The following EYS variants were observed in gnomAD, a reference collection of about 807,000 sequenced individuals.
The protein encoded by EYS is protein eyes shut homolog.
Under a neutral mutation model 282.1 loss-of-function variants are expected in EYS, and 250 were observed. The ratio of observed to expected loss-of-function variants is 0.89; its 90% CI spans 0.80 to 0.98. The LOEUF (loss-of-function observed/expected upper bound fraction) is 0.98, where lower values mean the gene tolerates loss of function less well. Among genes scored for constraint, EYS ranks in the 50% least tolerant of loss-of-function variants. The pLI is 0.00. For missense variants in EYS, 4,016 were observed against 3,709.0 expected (o/e 1.08, Z -2.15); for synonymous variants, 1,355 against 1,282.9 (o/e 1.06, Z -1.20).
intron 31 of EYS, among the ~76,000 whole-genome samples, chr6:64,199,125 C>T (rs1329711976): frequency 6.6e-6 from 1 of 152,072 alleles, no homozygotes; most frequent in Non-Finnish European, 1.5e-5. Flanking sequence ...CCCATATAGC[C>T]AAGACAACCC....
chr6:65,382,498 T>TGTGTGTGTGC (rs1765656172), intron 8 of EYS, among the ~76,000 whole-genome samples: 1 of 150,706 alleles, frequency 6.6e-6, no homozygotes, highest in Admixed American at 6.6e-5. Flanking sequence ...TGTGTGTGTG[T>TGTGTGTGTGC]GTGTGCTCTT....
chr6:64,216,031 A>G (rs576633091), intron 31 of EYS, among the ~76,000 whole-genome samples: 3 of 152,362 alleles, frequency 2.0e-5, no homozygotes, highest in Admixed American at 1.3e-4. Flanking sequence ...TGCACTTAGT[A>G]TAATTAGATT....
chr6:65,179,822 A>G (rs1174696951), intron 12 of EYS, among the ~76,000 whole-genome samples: 1 of 152,044 alleles, frequency 6.6e-6, no homozygotes, highest in Non-Finnish European at 1.5e-5. Flanking sequence ...ATACTGGCAA[A>G]CCGAATCCAG....
intron 29 of EYS, among the ~76,000 whole-genome samples, chr6:64,342,477 T>C (rs1383097106): frequency 6.6e-6 from 1 of 151,710 alleles, no homozygotes; most frequent in Non-Finnish European, 1.5e-5. Context: ...GCTTCATAAG[T>C]GAAGGAGAAA....
At chr6:65,153,887 C>T (rs570271707) in intron 12 of EYS, among the ~76,000 whole-genome samples, 1 of 151,918 alleles carries the variant, frequency 6.6e-6, no homozygotes, top group South Asian at 2.1e-4. Flanking sequence ...CTTCTCTTCA[C>T]AAGTGACATT....
chr6:63,961,500 A>T (rs1041456539), intron 35 of EYS, among the ~76,000 whole-genome samples: 14 of 151,822 alleles, frequency 9.2e-5, no homozygotes, highest in African/African-American at 2.9e-4. Context: ...CCTATAAAAC[A>T]GCCCCACCCT....
intron 24 of EYS, among the ~76,000 whole-genome samples, chr6:64,614,859 T>C (rs1225708431): frequency 6.6e-6 from 1 of 152,134 alleles, no homozygotes; most frequent in Non-Finnish European, 1.5e-5. Flanking sequence ...TGAACGTATG[T>C]CACTCTCGTA....
intron 14 of EYS, among the ~76,000 whole-genome samples, chr6:64,980,093 A>G (rs1004696555): frequency 4.0e-5 from 6 of 151,592 alleles, no homozygotes; most frequent in Non-Finnish European, 7.4e-5. Context: ...AGAAAAGGAA[A>G]GAAATACAGT....
intron 24 of EYS, among the ~76,000 whole-genome samples, chr6:64,595,926 G>T (rs938534628): frequency 6.6e-6 from 1 of 152,154 alleles, no homozygotes; most frequent in Non-Finnish European, 1.5e-5. Context: ...GGTTTAATTG[G>T]CTCTCAGTTC....
chr6:63,928,452 G>A (rs548652333), intron 35 of EYS, among the ~76,000 whole-genome samples: 43 of 152,288 alleles, frequency 2.8e-4, no homozygotes, highest in African/African-American at 1.0e-3. Flanking sequence ...TAGGTGATCA[G>A]TGAATATTTG....
intron 36 of EYS, among the ~76,000 whole-genome samples, chr6:63,834,833 A>G (rs1031532009): frequency 4.6e-5 from 7 of 152,000 alleles, no homozygotes; most frequent in Non-Finnish European, 1.0e-4. Flanking sequence ...CTAGATTAAG[A>G]CAATGTGTCA....
In EYS at chr6:63,726,140, T is replaced by G. The variant is rs906732947; in HGVS notation, c.8233+379A>C. 6.6e-5 allele frequency among the ~76,000 whole-genome samples: 10 copies of G among 152,266 alleles called. No individual in the cohort carries two copies. In the South Asian group the frequency reaches 2.1e-3, roughly 32 times the overall value. ...TGACAGAACAACTTAAAGAGAATTT[T>G]TGGAGCTATAAATGTGGTTGAATCT... is the stretch of plus-strand genomic sequence containing the variant. On this transcript the variant is annotated intron_variant, in intron 42 of 42. Coordinates refer to ENST00000503581, the MANE Select transcript of EYS (RefSeq NM_001142800.2).
intron 12 of EYS, among the ~76,000 whole-genome samples, chr6:65,107,315 T>C (rs936680422): frequency 1.3e-5 from 2 of 150,872 alleles, no homozygotes; most frequent in Non-Finnish European, 3.0e-5. Flanking sequence ...TTTTTTAATG[T>C]AAACACCTGG....
At position 65,459,968 on chromosome 6, in the gene EYS, T is replaced by TTTATA. The variant is rs1477968765; in HGVS notation, c.862+30625_862+30626insTATAA. 7.4e-5 allele frequency among the ~76,000 whole-genome samples: 6 copies of TTTATA among 80,660 alleles called. No individual in the cohort carries two copies. In the South Asian group the frequency reaches 2.0e-3, roughly 26 times the overall value. 52.9% of individuals were successfully genotyped at this position (80,660 alleles called of 152,430 possible). A position where few individuals can be genotyped will look rare whatever the true frequency, so the allele number is the denominator to read the frequency against. ...GTGTGTGTGTGTGTGTTTGTGTATT[T>TTTATA]TATATATATATATATATATATATAT... On this transcript the variant is annotated intron_variant, in intron 5 of 42. Coordinates refer to ENST00000503581, the MANE Select transcript of EYS (RefSeq NM_001142800.2).
chr6:65,360,821 G>A (rs1001902434), intron 8 of EYS, among the ~76,000 whole-genome samples: 2 of 152,238 alleles, frequency 1.3e-5, no homozygotes, highest in African/African-American at 4.8e-5. Flanking sequence ...TATGTAGAAA[G>A]ACAGTATTGC....
chr6:64,934,641 C>A lies in EYS; in HGVS notation c.2381+11152G>T, dbSNP rs963474556. 9.9e-5 allele frequency among the ~76,000 whole-genome samples: 15 copies of A among 151,880 alleles called. No homozygotes were observed. The South Asian group carries it at 2.1e-3, about 21-fold the overall frequency. On this transcript the variant is annotated intron_variant, in intron 15 of 42. Coordinates refer to ENST00000503581, the MANE Select transcript of EYS (RefSeq NM_001142800.2). ...GTGCTAAAAGAAAAAAAAAGACTAT[C>A]AACCATGAATTCTATATCCTACAAT... is the stretch of plus-strand genomic sequence containing the variant.
intron 22 of EYS, among the ~76,000 whole-genome samples, chr6:64,679,448 T>C (rs750405482): frequency 6.6e-6 from 1 of 152,248 alleles, no homozygotes; most frequent in Non-Finnish European, 1.5e-5. Context: ...GGTAGTCATT[T>C]GGATTGTTTC....
chr6:64,391,577 A>C (rs2150427800), intron 28 of EYS, among the ~76,000 whole-genome samples: 1 of 152,268 alleles, frequency 6.6e-6, no homozygotes, highest in South Asian at 2.1e-4. Flanking sequence ...GCAAATGCTG[A>C]GAGATTTTGT....
intron 35 of EYS, among the ~76,000 whole-genome samples, chr6:63,865,449 C>A (rs1772648564): frequency 6.9e-6 from 1 of 145,022 alleles, no homozygotes; most frequent in East Asian, 2.0e-4. Context: ...TTAAAGAATT[C>A]CATTTAATCT....
Sources: allele counts gnomAD v4.1 joint callset (sites outside exome capture counted in the v4.1 genomes callset), GRCh38; gene constraint gnomAD v4.1.1; transcripts MANE v1.5; gene names NCBI Gene and HGNC (gene_info 2026-07-23, HGNC 2026-07-21).